CUX1: variants seen among roughly 807,000 people sequenced by gnomAD.
CUX1 encodes the protein protein CASP.
In CUX1, 31 loss-of-function variants were observed where a neutral mutation model predicts 158.8. That is an observed-to-expected ratio of 0.20 (90% CI 0.15 to 0.26). CUX1 has a LOEUF of 0.26. Among genes scored for constraint, CUX1 ranks in the 10% least tolerant of loss-of-function variants. The pLI is 1.00. For synonymous variants in CUX1, 879 were observed against 862.1 expected (o/e 1.02, Z -0.34); for missense variants, 1,589 against 2,014.6 (o/e 0.79, Z 4.04).
At chr7:101,829,368 G>T (rs896318918) in intron 1 of CUX1, among the ~76,000 whole-genome samples, 8 of 152,174 alleles carry the variant, frequency 5.3e-5, no homozygotes, top group African/African-American at 1.9e-4. Flanking sequence ...TGCACTAACA[G>T]TAATGGTTTC....
chr7:102,176,404 T>G (rs1218147894), intron 10 of CUX1, among the ~76,000 whole-genome samples: 3 of 152,140 alleles, frequency 2.0e-5, no homozygotes, highest in African/African-American at 7.2e-5. Flanking sequence ...GCAAGGACAG[T>G]GGCTTTCTGT....
At chr7:102,146,289 T>G (rs1471675597) in intron 8 of CUX1, among the ~76,000 whole-genome samples, 1 of 152,170 alleles carries the variant, frequency 6.6e-6, no homozygotes, top group African/African-American at 2.4e-5. Flanking sequence ...TGGAGATGAC[T>G]GAAGCCCGAG....
intron 14 of CUX1, among the ~76,000 whole-genome samples, chr7:102,266,645 G>A (rs564539768): frequency 6.6e-6 from 1 of 152,196 alleles, no homozygotes; most frequent in African/African-American, 2.4e-5. Flanking sequence ...TAGCAGGGAG[G>A]GCAAGGACCA....
intron 1 of CUX1, among the ~76,000 whole-genome samples, chr7:101,847,574 A>G (rs1795827135): frequency 6.6e-6 from 1 of 152,166 alleles, no homozygotes; most frequent in South Asian, 2.1e-4. Context: ...TGTGAGACTC[A>G]ACGTATGGCA....
intron 20 of CUX1, among the ~76,000 whole-genome samples, chr7:102,214,864 G>T (rs416276): frequency 1.5e-4 from 23 of 152,148 alleles, no homozygotes; most frequent in African/African-American, 5.6e-4. Flanking sequence ...AATATAGCCC[G>T]AGTCTGAATT....
intron 2 of CUX1, among the ~76,000 whole-genome samples, chr7:102,003,335 C>CACACACGCCT (rs3222405): frequency 6.9e-6 from 1 of 145,152 alleles, no homozygotes; most frequent in African/African-American, 2.8e-5. Flanking sequence ...CACACACACA[C>CACACACGCCT]GCCCGCCCCC....
At chr7:101,854,118 C>T (rs1796552414) in intron 1 of CUX1, among the ~76,000 whole-genome samples, 1 of 152,142 alleles carries the variant, frequency 6.6e-6, no homozygotes, top group Admixed American at 6.5e-5. Flanking sequence ...TGAGTTTATA[C>T]CTTTCTGTTC....
intron 22 of CUX1, among the ~76,000 whole-genome samples, chr7:102,235,288 C>T (rs1375449320): frequency 2.6e-5 from 4 of 152,202 alleles, no homozygotes; most frequent in Non-Finnish European, 5.9e-5. Flanking sequence ...GCTGGGAGCT[C>T]ACTGGGCGGC....
intron 8 of CUX1, among the ~76,000 whole-genome samples, chr7:102,156,569 C>A (rs2131555619): frequency 6.6e-6 from 1 of 152,334 alleles, no homozygotes; most frequent in East Asian, 1.9e-4. Context: ...TCCCTCTAGA[C>A]CCCACCTCCC....
intron 19 of CUX1, 109 bp downstream of exon 19, chr7:102,204,665 G>T: frequency 7.0e-7 from 1 of 1,425,340 alleles, no homozygotes. Context: ...TCCGCCCCAG[G>T]AGGTGGCCAA....
chr7:102,075,701 G>T (rs1246673682), intron 4 of CUX1, among the ~76,000 whole-genome samples: 1 of 152,240 alleles, frequency 6.6e-6, no homozygotes, highest in East Asian at 1.9e-4. Context: ...GCACTGCAGA[G>T]CACTAAGACA....
chr7:102,111,944 C>T (rs1830936058), intron 7 of CUX1, 170 bp downstream of exon 7: 1 of 590,204 alleles, frequency 1.7e-6, no homozygotes, highest in African/African-American at 1.9e-5. Context: ...AGCTGCTGCG[C>T]CTCATTCCTC....
intron 1 of CUX1, among the ~76,000 whole-genome samples, chr7:101,855,950 C>T (rs1428039612): frequency 6.7e-6 from 1 of 149,948 alleles, no homozygotes; most frequent in African/African-American, 2.5e-5. Flanking sequence ...GAGGCTGAGG[C>T]GGGAGGATCA....
intron 11 of CUX1, among the ~76,000 whole-genome samples, chr7:102,189,366 G>C (rs1261658921): frequency 3.4e-5 from 2 of 59,266 alleles, no homozygotes; most frequent in South Asian, 5.1e-4. Flanking sequence ...TTTTGGGTGC[G>C]GGGGGGGATG....
chr7:102,145,573 C>A (rs1166128450), intron 8 of CUX1, among the ~76,000 whole-genome samples: 1 of 152,072 alleles, frequency 6.6e-6, no homozygotes, highest in African/African-American at 2.4e-5. Context: ...TATCCTCATG[C>A]TAATTTCTTT....
intron 20 of CUX1, among the ~76,000 whole-genome samples, chr7:102,205,795 A>G (rs1554520933): frequency 1.3e-5 from 2 of 152,058 alleles, no homozygotes; most frequent in African/African-American, 4.8e-5. Context: ...GAGGTCTCCA[A>G]CCACACTTGT....
chr7:102,050,286 A>G (rs535486189), intron 3 of CUX1, among the ~76,000 whole-genome samples: 1 of 152,322 alleles, frequency 6.6e-6, no homozygotes. Flanking sequence ...ACATGTTTAA[A>G]GATGATGGCA....
chr7:102,135,476 C>G (rs1833800502), intron 8 of CUX1, among the ~76,000 whole-genome samples: 1 of 151,868 alleles, frequency 6.6e-6, no homozygotes, highest in East Asian at 1.9e-4. Flanking sequence ...GGGGGCCAGA[C>G]ACACTCAGTG....
intron 14 of CUX1, among the ~76,000 whole-genome samples, chr7:102,196,274 C>T (rs1296302045): frequency 2.1e-4 from 32 of 152,224 alleles, no homozygotes; most frequent in Non-Finnish European, 4.3e-4. Flanking sequence ...GTTTGCTGCT[C>T]CTCCGGCCGG....
Sources: allele counts gnomAD v4.1 joint callset (sites outside exome capture counted in the v4.1 genomes callset), GRCh38; gene constraint gnomAD v4.1.1; transcripts MANE v1.5; gene names NCBI Gene and HGNC (gene_info 2026-07-23, HGNC 2026-07-21).